Variants in ACOT9 observed in about 807,000 individuals in gnomAD.
ACOT9 encodes the protein acyl-coenzyme A thioesterase 9, mitochondrial.
In ACOT9, 34 loss-of-function variants were observed where a neutral mutation model predicts 39.7. The observed-to-expected ratio is 0.86, with a 90% confidence interval of 0.65 to 1.14. The LOEUF is 1.14. Among genes scored for constraint, ACOT9 ranks in the 50% most tolerant of loss-of-function variants. The probability of loss-of-function intolerance (pLI) is 0.00; values close to 1 mark genes in which losing one functional copy is unlikely to be tolerated. For synonymous variants in ACOT9, 110 were observed against 120.5 expected, an observed-to-expected ratio of 0.91 and a Z score of 0.57; for missense variants, 313 against 344.1, an observed-to-expected ratio of 0.91 and a Z score of 0.71.
intron 9 of ACOT9, among the ~76,000 whole-genome samples, chrX:23,710,837 A>C (rs1928868068): frequency 9.1e-6 from 1 of 110,018 alleles, no homozygotes; most frequent in Non-Finnish European, 1.9e-5. Flanking sequence ...CTCAAAAAGA[A>C]AGAAAGAAAA....
intron 8 of ACOT9, among the ~76,000 whole-genome samples, chrX:23,716,547 A>C (rs1374653105): frequency 8.9e-6 from 1 of 112,196 alleles, no homozygotes; most frequent in East Asian, 2.8e-4. Context: ...CGCAAACATG[A>C]ATAACTCCCT....
rs748688105 is a variant in ACOT9 at position 23,734,377 on chromosome X, T to A, written c.119-10A>T. On this transcript the variant is annotated splice_polypyrimidine_tract_variant and intron_variant, in intron 2 of 15. Coordinates refer to ENST00000379303, the MANE Select transcript of ACOT9 (RefSeq NM_001037171.2). ...TGTATAGATGAACATGCTATATGAA[T>A]AAAGGGAAAATCAATTAGAGAACCA... The A allele has an allele frequency of 5.1e-6, 6 of 1,171,681 alleles. No homozygotes were observed. Among genetic ancestry groups the A allele is most frequent in the Non-Finnish European group, 6.9e-6 (6 of 866,008 alleles).
At chrX:23,717,224 A>G (rs991536047) in intron 8 of ACOT9, among the ~76,000 whole-genome samples, 2 of 109,965 alleles carry the variant, frequency 1.8e-5, no homozygotes, top group African/African-American at 3.3e-5. Context: ...TCCTGAGCTC[A>G]GGAGATCCAC....
At chrX:23,708,810 A>G (rs976386313) in intron 9 of ACOT9, among the ~76,000 whole-genome samples, 11 of 111,800 alleles carry the variant, frequency 9.8e-5, no homozygotes, top group East Asian at 2.8e-4. Flanking sequence ...TTATGGAGAA[A>G]TACCTGGTTC....
chrX:23,730,719 C>T, intron 5 of ACOT9, 97 bp downstream of exon 5: 1 of 1,011,570 alleles, frequency 9.9e-7, no homozygotes, highest in Non-Finnish European at 1.4e-6. Context: ...GAACTGTACA[C>T]TTTAAACAGG....
At chrX:23,738,398 CAGGAG>C (rs1930016928) in intron 1 of ACOT9, among the ~76,000 whole-genome samples, 1 of 106,913 alleles carries the variant, frequency 9.4e-6, no homozygotes, top group South Asian at 4.3e-4. Context: ...CACCTGAGGT[CAGGAG>C]TCCGAGACCA....
chrX:23,719,983 C>G (rs778537708), intron 8 of ACOT9, among the ~76,000 whole-genome samples: 7 of 107,386 alleles, frequency 6.5e-5, no homozygotes, highest in Non-Finnish European at 9.8e-5. Context: ...TACAGGCACC[C>G]GCCACCACGC....
At position 23,704,381 on chromosome X, in the gene ACOT9, C is replaced by T. The variant is rs200486558; in HGVS notation, c.1258+313G>A. Among the ~76,000 whole-genome samples, 17 of 102,522 alleles carry T rather than the reference C, an allele frequency of 1.7e-4. No individual in the cohort carries two copies. The East Asian group carries it at 2.8e-3, about 17-fold the overall frequency. 89.0% of individuals were successfully genotyped at this position (102,522 alleles called of 115,157 possible). On this transcript the variant is annotated intron_variant, in intron 15 of 15. Coordinates refer to ENST00000379303, the MANE Select transcript of ACOT9 (RefSeq NM_001037171.2). ...TTTTCTAGTAGAGACGGGGTTTCAC[C>T]GTGTTAGCCAGGATGGTCTCGATCT...
rs1569188050 is a variant in ACOT9, at chrX:23,702,843, C to T, written c.*1051G>A. 1 of 112,098 alleles carries T rather than the reference C, an allele frequency of 8.9e-6. No homozygotes were observed. The highest frequency in any genetic ancestry group is 1.9e-5 in the Non-Finnish European group (1 of 53,238). 9.2% of individuals were successfully genotyped at this position (112,098 alleles called of 1,213,427 possible). ...AAGAAATAAAGGAGCTCAGACCTGC[C>T]AAGGGCTGAGGATGGTGCCTATCTA... On this transcript the variant is annotated 3_prime_UTR_variant, in exon 16 of 16. Coordinates refer to ENST00000379303, the MANE Select transcript of ACOT9 (RefSeq NM_001037171.2).
chrX:23,721,690 AT>A (rs1271296696), intron 8 of ACOT9, among the ~76,000 whole-genome samples, 190 bp downstream of exon 8: 2 of 112,280 alleles, frequency 1.8e-5, no homozygotes, highest in African/African-American at 6.5e-5. Context: ...TAAACACCAA[AT>A]AGTACGTCAG....
rs1928554898 is a variant in ACOT9 at position 23,703,554 on chromosome X, A to AG, written c.*339_*340insC. ...AGGATGGTCTTGATCTCCTGACTTCATGATCCGCCCGCCTCAGCCTCCCAA... is the reference window on the plus strand; with the variant it reads ...AGGATGGTCTTGATCTCCTGACTTCAGTGATCCGCCCGCCTCAGCCTCCCAA... On this transcript the variant is annotated 3_prime_UTR_variant, in exon 16 of 16. Coordinates refer to ENST00000379303, the MANE Select transcript of ACOT9 (RefSeq NM_001037171.2). 7.0e-6 allele frequency: 1 copy of AG among 142,476 alleles called. No homozygotes were observed. Among genetic ancestry groups the AG allele is most frequent in the East Asian group, 2.0e-4 (1 of 4,916 alleles). The allele number at this position is 142,476 out of a possible 1,213,427, so 11.7% of individuals were successfully genotyped here. A position where few individuals can be genotyped will look rare whatever the true frequency, so the allele number is the denominator to read the frequency against.
intron 10 of ACOT9, chrX:23,706,973 C>T: frequency 3.6e-6 from 1 of 275,878 alleles, no homozygotes; most frequent in Non-Finnish European, 6.4e-6. Context: ...TGCAGTTATC[C>T]CATTGAGATG....
Position 23,703,860 on chromosome X carries a change from G to T in ACOT9, c.*34C>A, listed in dbSNP as rs1928566223. The T allele has an allele frequency of 5.3e-6, 6 of 1,126,397 alleles. No individual in the cohort carries two copies. The highest frequency in any genetic ancestry group is 7.3e-6 in the Non-Finnish European group (6 of 819,368). 92.8% of individuals were successfully genotyped at this position (1,126,397 alleles called of 1,213,427 possible). A position where few individuals can be genotyped will look rare whatever the true frequency, so the allele number is the denominator to read the frequency against. ...CTTCATCAGATACCACGTCACTGTG[G>T]GTAGAGTGCTAGTTTTCAACAAATG... On this transcript the variant is annotated 3_prime_UTR_variant, in exon 16 of 16. Transcript: ENST00000379303.
At chrX:23,741,726 G>A (rs1920966577) in intron 1 of ACOT9, among the ~76,000 whole-genome samples, 1 of 111,824 alleles carries the variant, frequency 8.9e-6, no homozygotes, top group African/African-American at 3.3e-5. Flanking sequence ...CCAGGCTGGA[G>A]TGCAGGGGCG....
At chrX:23,704,223 T>A (rs182575179) in intron 15 of ACOT9, among the ~76,000 whole-genome samples, 1 of 96,691 alleles carries the variant, frequency 1.0e-5, no homozygotes, top group African/African-American at 4.0e-5. Context: ...CAGACTGGAG[T>A]GCAGTGGCAC....
intron 1 of ACOT9, among the ~76,000 whole-genome samples, chrX:23,740,909 G>C (rs1203711927): frequency 2.7e-5 from 3 of 109,759 alleles, no homozygotes; most frequent in Non-Finnish European, 5.7e-5. Context: ...AGAGGCCTTT[G>C]CAACACTCAA....
chrX:23,733,072 G>C (rs749834267), intron 4 of ACOT9, 100 bp downstream of exon 4: 1 of 794,939 alleles, frequency 1.3e-6, no homozygotes, highest in Non-Finnish European at 1.8e-6. Flanking sequence ...TCTGAACATA[G>C]GGCTCCCCAT....
At chrX:23,740,982 G>A (rs1930124596) in intron 1 of ACOT9, among the ~76,000 whole-genome samples, 1 of 109,291 alleles carries the variant, frequency 9.1e-6, no homozygotes, top group African/African-American at 3.3e-5. Flanking sequence ...AAGGCGGGGG[G>A]AGTGGGGAGG....
intron 8 of ACOT9, among the ~76,000 whole-genome samples, chrX:23,718,438 T>C (rs1385739429): frequency 1.8e-5 from 2 of 112,404 alleles, no homozygotes; most frequent in African/African-American, 6.5e-5. Flanking sequence ...TGTTTACTTG[T>C]CTGACACTGA....
Sources: gnomAD v4.1 joint callset for allele counts (sites outside exome capture counted in the v4.1 genomes callset) on GRCh38, gnomAD v4.1.1 for gene constraint, MANE v1.5 for transcripts, NCBI Gene and HGNC (gene_info 2026-07-23, HGNC 2026-07-21) for gene names.